SFXN5: variants seen among roughly 807,000 people sequenced by gnomAD.
SFXN5 encodes the protein sideroflexin-5.
A neutral mutation model predicts 50.2 loss-of-function variants in SFXN5; 43 were observed. That is an observed-to-expected ratio of 0.86 (90% confidence interval 0.67 to 1.11). SFXN5 has a LOEUF of 1.11. SFXN5 is among the 50% of genes least tolerant of loss of function. The pLI is 0.00. For synonymous variants in SFXN5, 203 were observed against 185.8 expected, an observed-to-expected ratio of 1.09 and a Z score of -0.75; for missense variants, 463 against 454.1, an observed-to-expected ratio of 1.02 and a Z score of -0.18.
intron 3 of SFXN5, among the ~76,000 whole-genome samples, chr2:73,036,969 G>T (rs1485732256): frequency 6.6e-6 from 1 of 152,254 alleles, no homozygotes; most frequent in Non-Finnish European, 1.5e-5. Flanking sequence ...TGGGCCCCAT[G>T]TAAGCAGGCA....
intron 11 of SFXN5, among the ~76,000 whole-genome samples, chr2:72,970,055 A>C (rs1488411634): frequency 6.6e-6 from 1 of 152,192 alleles, no homozygotes; most frequent in Non-Finnish European, 1.5e-5. Flanking sequence ...CAAAGACCTA[A>C]GCAAGCCAGG....
intron 10 of SFXN5, among the ~76,000 whole-genome samples, chr2:72,974,853 G>GA (rs1352739900): frequency 3.7e-3 from 313 of 84,474 alleles, no homozygotes; most frequent in African/African-American, 0.015. Context: ...GAGAGAGAGA[G>GA]AGAAAAAAAA....
intron 3 of SFXN5, among the ~76,000 whole-genome samples, chr2:73,039,367 AT>A (rs1679335147): frequency 6.6e-6 from 1 of 152,242 alleles, no homozygotes; most frequent in African/African-American, 2.4e-5. Context: ...AAGTATGCCA[AT>A]GAAAAATCTG....
chr2:72,988,402 TGTG>T, intron 9 of SFXN5, 54 bp from the exon 10 acceptor site: 1 of 1,510,796 alleles, frequency 6.6e-7, no homozygotes, highest in South Asian at 1.2e-5. Context: ...TGCAGTGGCT[TGTG>T]GGAGGAGGGG....
chr2:72,983,385 G>A (rs1192193417), intron 10 of SFXN5, among the ~76,000 whole-genome samples: 3 of 152,146 alleles, frequency 2.0e-5, no homozygotes, highest in Non-Finnish European at 2.9e-5. Flanking sequence ...TGCTGGGGAC[G>A]GCACAGGAAG....
At chr2:72,969,372 T>C (rs541802442) in intron 11 of SFXN5, among the ~76,000 whole-genome samples, 1 of 152,120 alleles carries the variant, frequency 6.6e-6, no homozygotes, top group East Asian at 1.9e-4. Flanking sequence ...TGGAATTTAC[T>C]TTTTTTTGTT....
In SFXN5 at chr2:73,059,212, G is replaced by A. The variant is rs114103779; in HGVS notation, c.103-616C>T. 17,316 of 985,702 alleles carry A rather than the reference G, an allele frequency of 0.018. 1,110 individuals carry two copies. In the African/African-American group the frequency reaches 0.19, roughly 11 times the overall value. The allele number at this position is 985,702 out of a possible 1,614,324, so 61.1% of individuals were successfully genotyped here. A position where few individuals can be genotyped will look rare whatever the true frequency, so the allele number is the denominator to read the frequency against. On this transcript the variant is annotated intron_variant, in intron 1 of 13. Coordinates refer to ENST00000272433, the MANE Select transcript of SFXN5 (RefSeq NM_144579.3). ...GGAAAAGGAGGGCTTTATGCTAAGC[G>A]CAGCCACAGGCATTGGAGCACAATG...
At chr2:73,004,920 C>T (rs1194757396) in intron 6 of SFXN5, among the ~76,000 whole-genome samples, 1 of 152,200 alleles carries the variant, frequency 6.6e-6, no homozygotes, top group East Asian at 1.9e-4. Flanking sequence ...CTTCAGCTCT[C>T]AGATGTATAT....
At chr2:73,059,910 T>TC in intron 1 of SFXN5, 1 of 857,080 alleles carries the variant, frequency 1.2e-6, no homozygotes, top group Non-Finnish European at 1.4e-6. Context: ...TGCTGCATTC[T>TC]TTACAAAGGT....
chr2:73,004,315 GCACA>G (rs59114781), intron 6 of SFXN5, among the ~76,000 whole-genome samples: 4,315 of 115,568 alleles, frequency 0.037, 79 homozygotes, highest in Admixed American at 0.082. Flanking sequence ...GAGTGCGCGC[GCACA>G]CACACACACA....
chr2:72,997,818 C>G, intron 9 of SFXN5: 1 of 152,184 alleles, frequency 6.6e-6, no homozygotes, highest in East Asian at 1.9e-4. Flanking sequence ...GTCTTGAACT[C>G]CTGATCTCAG....
chr2:73,055,884 C>T (rs181379825), intron 2 of SFXN5, among the ~76,000 whole-genome samples: 5 of 152,222 alleles, frequency 3.3e-5, no homozygotes, highest in South Asian at 2.1e-4. Flanking sequence ...CCCAAAGTGC[C>T]GGGATTACAG....
At chr2:72,956,420 G>T (rs1322746036) in intron 13 of SFXN5, among the ~76,000 whole-genome samples, 1 of 152,200 alleles carries the variant, frequency 6.6e-6, no homozygotes, top group South Asian at 2.1e-4. Context: ...TCCTGTGGAG[G>T]GGAGGAGGGC....
At position 72,965,315 on chromosome 2, in the gene SFXN5, C is replaced by T. The variant is rs144275063; in HGVS notation, c.827+3133G>A. Among the ~76,000 whole-genome samples, 370 of 152,252 alleles carry T rather than the reference C, an allele frequency of 2.4e-3. 2 individuals carry two copies. Among genetic ancestry groups the T allele is most frequent in the African/African-American group, 7.5e-3 (313 of 41,534 alleles). On this transcript the variant is annotated intron_variant, in intron 12 of 13. Coordinates refer to ENST00000272433, the MANE Select transcript of SFXN5 (RefSeq NM_144579.3). ...CAAGCAGCCCGACTCCAGAGGAAAA[C>T]CAATCTCCCTTCTGGCTCCCCTATC...
Position 72,960,099 on chromosome 2 carries a change from G to A in SFXN5, c.945+1032C>T, listed in dbSNP as rs1327593672. Reference sequence around the variant, plus strand: ...CTTGTCTTTGGACCCCGCCAGGGTGGAGGCCTCACCCACCACCCTCGATTC... The same window carrying A: ...CTTGTCTTTGGACCCCGCCAGGGTGAAGGCCTCACCCACCACCCTCGATTC... On this transcript the variant is annotated intron_variant, in intron 13 of 13. Transcript: ENST00000272433. The surrounding 1 kb of genome is among the most constrained non-coding windows in gnomAD (Gnocchi z 6.1). 6.6e-6 allele frequency among the ~76,000 whole-genome samples: 1 copy of A among 151,942 alleles called. No individual in the cohort carries two copies. The highest frequency in any genetic ancestry group is 1.5e-5 in the Non-Finnish European group (1 of 67,984).
intron 10 of SFXN5, among the ~76,000 whole-genome samples, chr2:72,980,773 C>T (rs1056453504): frequency 6.6e-6 from 1 of 152,118 alleles, no homozygotes; most frequent in Non-Finnish European, 1.5e-5. Flanking sequence ...AGCTCAAACC[C>T]CAAGCTAACA....
chr2:73,061,819 T>G (rs971538421), intron 1 of SFXN5, among the ~76,000 whole-genome samples: 5 of 152,070 alleles, frequency 3.3e-5, no homozygotes, highest in African/African-American at 1.2e-4. Context: ...AAATACATAT[T>G]TAGAGTAAAA....
At chr2:73,007,512 G>A (rs1674858454) in intron 6 of SFXN5, among the ~76,000 whole-genome samples, 1 of 151,884 alleles carries the variant, frequency 6.6e-6, no homozygotes, top group Non-Finnish European at 1.5e-5. Context: ...CGCGCTCTCC[G>A]GCACCCTGCA....
intron 5 of SFXN5, among the ~76,000 whole-genome samples, 200 bp downstream of exon 5, chr2:73,022,322 C>T (rs1316551416): frequency 1.3e-5 from 2 of 152,134 alleles, no homozygotes; most frequent in African/African-American, 2.4e-5. Context: ...GCAGAAAAGG[C>T]AGGTAAGCTC....
Sources: allele counts gnomAD v4.1 joint callset (sites outside exome capture counted in the v4.1 genomes callset), GRCh38; gene constraint gnomAD v4.1.1; non-coding constraint Gnocchi (gnomAD v3.1); transcripts MANE v1.5; gene names NCBI Gene and HGNC (gene_info 2026-07-23, HGNC 2026-07-21).